The following FAM53B variants were observed in gnomAD, a reference collection of about 807,000 sequenced individuals.
FAM53B encodes the protein family with sequence similarity 53 member B.
A neutral mutation model predicts 32.7 loss-of-function variants in FAM53B; 12 were observed. The ratio of observed to expected loss-of-function variants is 0.37; its 90% confidence interval spans 0.24 to 0.59. The LOEUF (loss-of-function observed/expected upper bound fraction) is 0.59. Among genes scored for constraint, FAM53B ranks in the 20% least tolerant of loss-of-function variants. The probability of loss-of-function intolerance (pLI) is 0.72; values close to 1 mark genes in which losing one functional copy is unlikely to be tolerated. For missense variants in FAM53B, 477 were observed against 577.7 expected (o/e 0.83, Z 1.79); for synonymous variants, 234 against 228.7 (o/e 1.02, Z -0.21).
chr10:124,702,431 T>C (rs1339576268), intron 2 of FAM53B, among the ~76,000 whole-genome samples: 1 of 152,256 alleles, frequency 6.6e-6, no homozygotes, highest in Non-Finnish European at 1.5e-5. Flanking sequence ...TTCTGTCCCG[T>C]GGATGTCATC....
intron 4 of FAM53B, among the ~76,000 whole-genome samples, chr10:124,624,904 G>A (rs1489100821): frequency 1.3e-5 from 2 of 152,216 alleles, no homozygotes; most frequent in Non-Finnish European, 2.9e-5. Context: ...CAACGAGGTC[G>A]AATAGCAGAG....
chr10:124,734,273 C>T (rs1950162006), intron 1 of FAM53B, among the ~76,000 whole-genome samples: 1 of 152,236 alleles, frequency 6.6e-6, no homozygotes, highest in Non-Finnish European at 1.5e-5. Context: ...TCGGTAGATC[C>T]ATCTCTGAAT....
chr10:124,715,515 C>T (rs1230887332), intron 1 of FAM53B, among the ~76,000 whole-genome samples: 1 of 152,222 alleles, frequency 6.6e-6, no homozygotes, highest in African/African-American at 2.4e-5. Flanking sequence ...CCCACTGCCA[C>T]CCTGTCCTTC....
At chr10:124,693,759 T>C (rs1442946262) in intron 3 of FAM53B, among the ~76,000 whole-genome samples, 2 of 152,172 alleles carry the variant, frequency 1.3e-5, no homozygotes, top group Non-Finnish European at 2.9e-5. Context: ...GGTATCCCCA[T>C]AGCTCAAGGG....
chr10:124,662,650 T>C (rs1949641942), intron 4 of FAM53B, among the ~76,000 whole-genome samples: 1 of 152,128 alleles, frequency 6.6e-6, no homozygotes, highest in African/African-American at 2.4e-5. Flanking sequence ...ACCCTGTCTC[T>C]ACAAAAAATT....
rs914887186 is a variant in FAM53B, at chr10:124,682,985, G to A, written c.134-606C>T. Among the ~76,000 whole-genome samples, 66 of 152,346 alleles carry A rather than the reference G, an allele frequency of 4.3e-4. No homozygotes were observed. Among genetic ancestry groups the A allele is most frequent in the Admixed American group, 4.0e-3 (61 of 15,312 alleles). Reference sequence around the variant, plus strand: ...ACTTGTACTGATTTAGGTCACCTCCGTCAAAATGCTCAACATCAGCGTCAC... The same window carrying A: ...ACTTGTACTGATTTAGGTCACCTCCATCAAAATGCTCAACATCAGCGTCAC... On this transcript the variant is annotated intron_variant, in intron 3 of 4. Transcript: ENST00000337318. This position sits in a 1 kb window ranked among gnomAD's most constrained non-coding sequence, Gnocchi z 5.2.
At chr10:124,642,965 A>C (rs1305775520) in intron 4 of FAM53B, among the ~76,000 whole-genome samples, 1 of 152,254 alleles carries the variant, frequency 6.6e-6, no homozygotes, top group Non-Finnish European at 1.5e-5. Flanking sequence ...TCATGAAAGC[A>C]AGAAAAACGG....
intron 1 of FAM53B, among the ~76,000 whole-genome samples, chr10:124,721,772 G>A (rs1950069986): frequency 6.6e-6 from 1 of 152,192 alleles, no homozygotes; most frequent in Non-Finnish European, 1.5e-5. Flanking sequence ...CTCTCCCTGT[G>A]AACACGTGTG....
At chr10:124,656,988 C>G (rs574331325) in intron 4 of FAM53B, among the ~76,000 whole-genome samples, 1 of 150,588 alleles carries the variant, frequency 6.6e-6, no homozygotes, top group Non-Finnish European at 1.5e-5. Context: ...TGTATACATA[C>G]GTAACAAACC....
rs772458139 is a variant in FAM53B, at chr10:124,650,077, G to A, written c.907-26473C>T. Among the ~76,000 whole-genome samples the A allele has an allele frequency of 2.0e-5, 3 of 152,150 alleles. 1 individual carries two copies. The highest frequency in any genetic ancestry group is 4.8e-5 in the African/African-American group (2 of 41,420). Reference sequence around the variant, plus strand: ...TAACGTCATAACAAGACAAGCTGGCGACAGGTACAGATGACATAATTATCG... The same window carrying A: ...TAACGTCATAACAAGACAAGCTGGCAACAGGTACAGATGACATAATTATCG... On this transcript the variant is annotated intron_variant, in intron 4 of 4. Coordinates refer to ENST00000337318, the MANE Select transcript of FAM53B (RefSeq NM_014661.4).
chr10:124,719,575 G>A (rs765860700), intron 1 of FAM53B, among the ~76,000 whole-genome samples: 2 of 152,172 alleles, frequency 1.3e-5, no homozygotes, highest in African/African-American at 2.4e-5. Context: ...TTGTTTGTCC[G>A]CAGCACACCC....
intron 1 of FAM53B, among the ~76,000 whole-genome samples, chr10:124,711,066 G>A (rs915874397): frequency 6.6e-6 from 1 of 152,100 alleles, no homozygotes; most frequent in Admixed American, 6.5e-5. Flanking sequence ...CTCCACAGAC[G>A]CTTTGCTGGG....
intron 4 of FAM53B, among the ~76,000 whole-genome samples, chr10:124,649,982 G>A (rs766510964): frequency 6.6e-6 from 1 of 151,958 alleles, no homozygotes; most frequent in African/African-American, 2.4e-5. Flanking sequence ...CCCTCTCCTC[G>A]CAGGCTCACT....
At position 124,651,351 on chromosome 10, in the gene FAM53B, C is replaced by T. The variant is rs1949554305; in HGVS notation, c.907-27747G>A. On this transcript the variant is annotated intron_variant, in intron 4 of 4. Coordinates refer to ENST00000337318, the MANE Select transcript of FAM53B (RefSeq NM_014661.4). The surrounding 1 kb of genome is among the most constrained non-coding windows in gnomAD (Gnocchi z 5.2). Reference sequence around the variant, plus strand: ...GCAGAAGGAGGCTGGAGGGGTGCGGCTGAGCAGAGGGTGCTGCCTGGCATC... The same window carrying T: ...GCAGAAGGAGGCTGGAGGGGTGCGGTTGAGCAGAGGGTGCTGCCTGGCATC... 6.6e-6 allele frequency among the ~76,000 whole-genome samples: 1 copy of T among 152,238 alleles called. No homozygotes were observed. The highest frequency in any genetic ancestry group is 6.5e-5 in the Admixed American group (1 of 15,284).
At chr10:124,706,155 A>G (rs1949956251) in intron 2 of FAM53B, among the ~76,000 whole-genome samples, 1 of 152,134 alleles carries the variant, frequency 6.6e-6, no homozygotes, top group Non-Finnish European at 1.5e-5. Context: ...GTCCAGGGTG[A>G]ACCACCTTTG....
intron 4 of FAM53B, chr10:124,671,250 C>T: frequency 6.7e-6 from 3 of 445,848 alleles, no homozygotes; most frequent in South Asian, 1.6e-5. Flanking sequence ...TCCCTTTCTG[C>T]GGGACCAGCT....
At chr10:124,625,078 G>A (rs1222219836) in intron 4 of FAM53B, among the ~76,000 whole-genome samples, 1 of 152,234 alleles carries the variant, frequency 6.6e-6, no homozygotes, top group Non-Finnish European at 1.5e-5. Flanking sequence ...CCTGTCCCGA[G>A]GGCCTGATTC....
At chr10:124,706,581 G>C in intron 2 of FAM53B, 55 bp downstream of exon 2, 4 of 1,609,640 alleles carry the variant, frequency 2.5e-6, no homozygotes, top group Non-Finnish European at 3.4e-6. Context: ...AGCCCTGTCT[G>C]TACATCAGGC....
chr10:124,713,075 A>T (rs1224220881), intron 1 of FAM53B, among the ~76,000 whole-genome samples: 2 of 151,230 alleles, frequency 1.3e-5, no homozygotes, highest in Non-Finnish European at 3.0e-5. Context: ...GCCCATCTCC[A>T]CCCCCATGTG....
Sources: allele counts gnomAD v4.1 joint callset (sites outside exome capture counted in the v4.1 genomes callset), GRCh38; gene constraint gnomAD v4.1.1; non-coding constraint Gnocchi (gnomAD v3.1); transcripts MANE v1.5; gene names NCBI Gene and HGNC (gene_info 2026-07-23, HGNC 2026-07-21).